Variants in SGCZ observed in about 807,000 individuals in gnomAD.
SGCZ encodes the protein sarcoglycan zeta, also known as zeta-sarcoglycan.
In SGCZ, 40 loss-of-function variants were observed where a neutral mutation model predicts 41.3. That is an observed-to-expected ratio of 0.97 (90% CI 0.75 to 1.26). SGCZ has a LOEUF of 1.26. Ranked by LOEUF, SGCZ falls within the 50% of genes most tolerant of loss-of-function variation. SGCZ has a pLI of 0.00. For synonymous variants in SGCZ, 206 were observed against 137.5 expected (o/e 1.50, Z -3.49); for missense variants, 552 against 369.8 (o/e 1.49, Z -4.04).
At chr8:14,787,570 G>A (rs754058673) in intron 1 of SGCZ, among the ~76,000 whole-genome samples, 3 of 152,058 alleles carry the variant, frequency 2.0e-5, no homozygotes, top group Non-Finnish European at 2.9e-5. Flanking sequence ...CCAGCCGGGC[G>A]GGATACAGGT....
intron 2 of SGCZ, among the ~76,000 whole-genome samples, chr8:14,333,014 G>C (rs1012883069): frequency 6.6e-6 from 1 of 151,314 alleles, no homozygotes; most frequent in African/African-American, 2.4e-5. Context: ...GGAACACTTG[G>C]AACACATACA....
chr8:15,151,031 C>CA (rs1460761123), intron 1 of SGCZ, among the ~76,000 whole-genome samples: 5 of 152,162 alleles, frequency 3.3e-5, no homozygotes, highest in African/African-American at 4.8e-5. Context: ...TTCTATCTTA[C>CA]GTTCTATCTC....
intron 1 of SGCZ, among the ~76,000 whole-genome samples, chr8:15,011,191 T>C (rs925111117): frequency 3.2e-4 from 49 of 152,214 alleles, no homozygotes; most frequent in Non-Finnish European, 7.3e-5. Context: ...TTATCCTACA[T>C]AGTTAAAGTA....
chr8:15,084,879 A>G (rs1296640382), intron 1 of SGCZ, among the ~76,000 whole-genome samples: 1 of 152,188 alleles, frequency 6.6e-6, no homozygotes, highest in Non-Finnish European at 1.5e-5. Context: ...TCTAACATTG[A>G]TAAGTTGAAG....
intron 1 of SGCZ, among the ~76,000 whole-genome samples, chr8:14,836,364 C>A (rs1056125690): frequency 1.3e-5 from 2 of 152,062 alleles, no homozygotes; most frequent in Admixed American, 6.6e-5. Flanking sequence ...AAGATAGGAA[C>A]CATTATTAAA....
chr8:14,183,665 T>C (rs1335592951), intron 4 of SGCZ, among the ~76,000 whole-genome samples: 3 of 152,122 alleles, frequency 2.0e-5, no homozygotes, highest in Admixed American at 2.0e-4. Flanking sequence ...GAGAAAAGCG[T>C]TTACCAAGCT....
chr8:14,932,475 C>T (rs1171733817), intron 1 of SGCZ, among the ~76,000 whole-genome samples: 1 of 151,870 alleles, frequency 6.6e-6, no homozygotes, highest in Non-Finnish European at 1.5e-5. Flanking sequence ...TGCATTCGTT[C>T]TGTGTAAAGA....
chr8:14,978,088 T>C (rs1801539525), intron 1 of SGCZ, among the ~76,000 whole-genome samples: 2 of 152,102 alleles, frequency 1.3e-5, no homozygotes, highest in South Asian at 4.1e-4. Flanking sequence ...TACTTTCATG[T>C]TCTCATATGC....
chr8:14,365,236 TTTA>T (rs1803658820), intron 2 of SGCZ, among the ~76,000 whole-genome samples: 1 of 152,098 alleles, frequency 6.6e-6, no homozygotes, highest in Admixed American at 6.6e-5. Flanking sequence ...TAAAAATGCA[TTTA>T]TTGTCTCAAA....
At chr8:15,095,711 CCAAG>C (rs1806323254) in intron 1 of SGCZ, among the ~76,000 whole-genome samples, 1 of 152,116 alleles carries the variant, frequency 6.6e-6, no homozygotes, top group Non-Finnish European at 1.5e-5. Context: ...CCTGAAGGGA[CCAAG>C]CAGTGTGCTA....
chr8:14,222,560 C>T (rs1806235480), intron 4 of SGCZ, among the ~76,000 whole-genome samples: 1 of 152,078 alleles, frequency 6.6e-6, no homozygotes, highest in African/African-American at 2.4e-5. Context: ...CAGCTTCTGA[C>T]AGATTATGTA....
At chr8:15,121,942 CCTTTCAAACCA>C (rs1807497448) in intron 1 of SGCZ, among the ~76,000 whole-genome samples, 2 of 149,762 alleles carry the variant, frequency 1.3e-5, no homozygotes, top group Non-Finnish European at 1.5e-5. Flanking sequence ...TTTTGGAGAG[CCTTTCAAACCA>C]GATAGTATGG....
chr8:15,233,165 T>C (rs752578406), intron 1 of SGCZ, among the ~76,000 whole-genome samples: 8 of 151,814 alleles, frequency 5.3e-5, no homozygotes, highest in Non-Finnish European at 1.2e-4. Flanking sequence ...GAAATGAATA[T>C]ATAAGGCAGG....
chr8:14,660,389 T>C (rs978446034), intron 1 of SGCZ, among the ~76,000 whole-genome samples: 30 of 151,508 alleles, frequency 2.0e-4, no homozygotes, highest in Non-Finnish European at 3.7e-4. Context: ...CTAGGCAACA[T>C]GGTGAAACCT....
intron 5 of SGCZ, among the ~76,000 whole-genome samples, chr8:14,155,480 C>G (rs894846496): frequency 4.0e-5 from 6 of 151,896 alleles, no homozygotes; most frequent in Non-Finnish European, 1.5e-5. Context: ...TGAAAAAAAT[C>G]ATGTCTCATA....
intron 2 of SGCZ, among the ~76,000 whole-genome samples, chr8:14,528,838 C>CAAAA (rs199553893): frequency 4.2e-5 from 6 of 141,982 alleles, no homozygotes; most frequent in African/African-American, 1.4e-4. Context: ...AAAAAAAAAA[C>CAAAA]AAAACAAAAA....
chr8:14,333,684 G>T (rs1261990418), intron 2 of SGCZ, among the ~76,000 whole-genome samples: 1 of 152,020 alleles, frequency 6.6e-6, no homozygotes, highest in Non-Finnish European at 1.5e-5. Flanking sequence ...TGGTCAATGG[G>T]TCCTCCCCTC....
At chr8:14,559,205 T>C (rs1402254016) in intron 1 of SGCZ, among the ~76,000 whole-genome samples, 1 of 152,062 alleles carries the variant, frequency 6.6e-6, no homozygotes, top group African/African-American at 2.4e-5. Context: ...TGTTTGCTGA[T>C]GATATGATTG....
rs1413121920 is a variant in SGCZ, at chr8:14,847,182, A to AGAAGAAGAAGAAGAG, written c.40-292257_40-292256insCTCTTCTTCTTCTTC. Among the ~76,000 whole-genome samples, 143 of 147,296 alleles carry AGAAGAAGAAGAAGAG rather than the reference A, an allele frequency of 9.7e-4. 1 individual carries two copies. Among genetic ancestry groups the AGAAGAAGAAGAAGAG allele is most frequent in the Non-Finnish European group, 1.6e-3 (109 of 67,200 alleles). ...AAGAAGAAGAAGAAGAAGAAGAAGA[A>AGAAGAAGAAGAAGAG]GAAGAGAAAAATACCAATTCTACAA... On this transcript the variant is annotated intron_variant, in intron 1 of 7. Transcript: ENST00000382080.
Sources: gnomAD v4.1 joint callset for allele counts (sites outside exome capture counted in the v4.1 genomes callset) on GRCh38, gnomAD v4.1.1 for gene constraint, MANE v1.5 for transcripts, NCBI Gene and HGNC (gene_info 2026-07-23, HGNC 2026-07-21) for gene names.